The following UPF2 variants were observed in gnomAD, a reference collection of about 807,000 sequenced individuals.
The protein encoded by UPF2 is UPF2 regulator of nonsense mediated mRNA decay, also known as regulator of nonsense transcripts 2.
Under a neutral mutation model 141.4 loss-of-function variants are expected in UPF2, and 17 were observed. The observed-to-expected ratio is 0.12, with a 90% confidence interval of 0.08 to 0.18. UPF2 has a LOEUF of 0.18. Among genes scored for constraint, UPF2 ranks in the 10% least tolerant of loss-of-function variants. The pLI, the probability that UPF2 is intolerant of heterozygous loss-of-function variation, is 1.00. For synonymous variants in UPF2, 540 were observed against 498.0 expected, an observed-to-expected ratio of 1.08 and a Z score of -1.12; for missense variants, 1,152 against 1,515.9, an observed-to-expected ratio of 0.76 and a Z score of 3.99.
rs545196124 is a variant in UPF2, at chr10:11,967,608, G to A, written c.1954-154C>T. Among the ~76,000 whole-genome samples the A allele has an allele frequency of 4.1e-5, 6 of 145,090 alleles. No homozygotes were observed. The East Asian group carries it at 1.0e-3, about 25-fold the overall frequency. On this transcript the variant is annotated intron_variant, in intron 9 of 21. Transcript: ENST00000357604. ...CTTGTTACCCAGGCTGGAGTGCAAC[G>A]GTGCAATCTTGGCTCACTGCAACCT...
chr10:11,985,287 T>C lies in UPF2; in HGVS notation c.1845-6122A>G, dbSNP rs371281022. Among the ~76,000 whole-genome samples the C allele has an allele frequency of 3.3e-5, 5 of 152,256 alleles. No individual in the cohort carries two copies. In the East Asian group the frequency reaches 9.6e-4, roughly 29 times the overall value. On this transcript the variant is annotated intron_variant, in intron 8 of 21. Transcript: ENST00000357604. ...TCATCCATTACTTCACAAAATAAAA[T>C]CCTTTATGTTGTAAATAATCAATTA...
chr10:11,955,163 T>C (rs1434108337), intron 14 of UPF2, 69 bp downstream of exon 14: 2 of 1,417,856 alleles, frequency 1.4e-6, no homozygotes, highest in African/African-American at 2.9e-5. Context: ...GTTTCTTCTC[T>C]CATAGTATTC....
At position 11,999,984 on chromosome 10, in the gene UPF2, A is replaced by G. The variant is rs1418229326; in HGVS notation, c.1680T>C (p.Thr560=). The change falls in exon 7 of 22, where the codon ACT becomes ACC. Residue 560 remains threonine, a synonymous_variant. Coordinates refer to ENST00000357604, the MANE Select transcript of UPF2 (RefSeq NM_015542.4). ...EQEQEDEEAS[T]GSHLKLIVDA... ...CTACTATGAGCTTGAGATGAGATCC[A>G]GTGCTGGCTTCCTCATCTTCTTGTT... 3.1e-6 allele frequency: 5 copies of G among 1,609,240 alleles called. No individual in the cohort carries two copies. The highest frequency in any genetic ancestry group is 4.2e-6 in the Non-Finnish European group (5 of 1,178,680).
intron 3 of UPF2, 140 bp downstream of exon 3, chr10:12,028,605 T>C (rs1171833256): frequency 3.4e-5 from 28 of 833,290 alleles, no homozygotes; most frequent in Non-Finnish European, 4.6e-5. Context: ...TGTTCTACTT[T>C]GAAATTTTCC....
chr10:12,007,272 AG>A (rs1196273154), intron 4 of UPF2, among the ~76,000 whole-genome samples: 1 of 152,228 alleles, frequency 6.6e-6, no homozygotes, highest in Non-Finnish European at 1.5e-5. Flanking sequence ...TCTGGAAAAA[AG>A]TAAAGTCTGG....
chr10:11,946,933 G>A (rs954436668), intron 16 of UPF2, among the ~76,000 whole-genome samples: 10 of 152,200 alleles, frequency 6.6e-5, no homozygotes, highest in Admixed American at 1.3e-4. Flanking sequence ...GGCCAAATGC[G>A]GCTCACGCCT....
intron 8 of UPF2, among the ~76,000 whole-genome samples, chr10:11,991,836 T>A (rs557946597): frequency 1.3e-5 from 2 of 152,162 alleles, no homozygotes; most frequent in Non-Finnish European, 2.9e-5. Flanking sequence ...GAACACTTTT[T>A]GAGAAAACTA....
intron 3 of UPF2, among the ~76,000 whole-genome samples, chr10:12,024,944 A>C (rs1048908343): frequency 6.7e-6 from 1 of 150,036 alleles, no homozygotes; most frequent in African/African-American, 2.4e-5. Flanking sequence ...AAAAAAAAAA[A>C]AAAAAAAAAA....
intron 4 of UPF2, among the ~76,000 whole-genome samples, chr10:12,012,899 G>A (rs957302644): frequency 2.0e-5 from 3 of 152,002 alleles, no homozygotes; most frequent in Non-Finnish European, 4.4e-5. Flanking sequence ...AGCACTTTGG[G>A]AGGCCAAGGC....
intron 16 of UPF2, 107 bp downstream of exon 16, chr10:11,948,262 A>C: frequency 8.6e-7 from 1 of 1,158,800 alleles, no homozygotes; most frequent in Non-Finnish European, 1.2e-6. Context: ...AAAAAAAAAA[A>C]AAAAAAAACC....
chr10:12,033,223 GAA>G (rs756594191), intron 2 of UPF2, among the ~76,000 whole-genome samples: 3 of 152,112 alleles, frequency 2.0e-5, no homozygotes, highest in Admixed American at 2.0e-4. Flanking sequence ...AGAAAAAAAA[GAA>G]AGACACCGTT....
Position 11,979,279 on chromosome 10 carries a change from T to C in UPF2, c.1845-114A>G, listed in dbSNP as rs970995866. 4 of 666,872 alleles carry C rather than the reference T, an allele frequency of 6.0e-6. No individual in the cohort carries two copies. The highest frequency in any genetic ancestry group is 9.8e-6 in the Non-Finnish European group (4 of 407,110). 41.3% of individuals were successfully genotyped at this position (666,872 alleles called of 1,614,324 possible). On this transcript the variant is annotated intron_variant, in intron 8 of 21. Coordinates refer to ENST00000357604, the MANE Select transcript of UPF2 (RefSeq NM_015542.4). The surrounding 1 kb of genome is among the most constrained non-coding windows in gnomAD (Gnocchi z 6.2). Reference sequence around the variant, plus strand: ...CATTAAATGATCTTAAAACTCATAATCATACAGACATGCCTATTTATTGCC... The same window carrying C: ...CATTAAATGATCTTAAAACTCATAACCATACAGACATGCCTATTTATTGCC...
At chr10:12,036,957 G>A (rs532366655) in intron 1 of UPF2, among the ~76,000 whole-genome samples, 14 of 152,264 alleles carry the variant, frequency 9.2e-5, no homozygotes, top group Admixed American at 7.8e-4. Context: ...CCCGGGAAGC[G>A]GAGGTTGTAA....
rs1834214654 is a variant in UPF2, at chr10:12,016,098, A to T, written c.1146-1914T>A. Among the ~76,000 whole-genome samples, 1 of 152,220 alleles carries T rather than the reference A, an allele frequency of 6.6e-6. No individual in the cohort carries two copies. The highest frequency in any genetic ancestry group is 1.5e-5 in the Non-Finnish European group (1 of 68,050). ...TTTAAAAATTAAAACAAAAACCCATAGCATTTTAACATACTCATACCTATG... is the reference window on the plus strand; with the variant it reads ...TTTAAAAATTAAAACAAAAACCCATTGCATTTTAACATACTCATACCTATG... On this transcript the variant is annotated intron_variant, in intron 3 of 21. Transcript: ENST00000357604. This position sits in a 1 kb window ranked among gnomAD's most constrained non-coding sequence, Gnocchi z 4.1.
At chr10:11,958,689 A>G (rs924805452) in intron 12 of UPF2, among the ~76,000 whole-genome samples, 1 of 152,172 alleles carries the variant, frequency 6.6e-6, no homozygotes, top group African/African-American at 2.4e-5. Context: ...ATAATAGGTC[A>G]GTGATTCTTT....
At chr10:12,021,386 T>A (rs892347738) in intron 3 of UPF2, among the ~76,000 whole-genome samples, 3 of 149,480 alleles carry the variant, frequency 2.0e-5, no homozygotes, top group Admixed American at 6.7e-5. Context: ...AAAATTTTTT[T>A]AAATTAGCCA....
At chr10:12,043,022 T>C (rs988136159), upstream of UPF2, 1 of 152,230 alleles carries the variant, frequency 6.6e-6, no homozygotes, top group Non-Finnish European at 1.5e-5. Flanking sequence ...CCCTGCGGCA[T>C]GCCGATGCCC....
chr10:12,019,926 C>G lies in UPF2; in HGVS notation c.1146-5742G>C, dbSNP rs1408825910. ...TTTTAGTAGAGACGGGGTTTTGCCA[C>G]GTTGGCCAGGCTGGCCTCAGGCTCC... On this transcript the variant is annotated intron_variant, in intron 3 of 21. Transcript: ENST00000357604. The surrounding 1 kb of genome is among the most constrained non-coding windows in gnomAD (Gnocchi z 4.5). 6.6e-6 allele frequency among the ~76,000 whole-genome samples: 1 copy of G among 152,008 alleles called. No homozygotes were observed. Among genetic ancestry groups the G allele is most frequent in the Non-Finnish European group, 1.5e-5 (1 of 68,004 alleles).
intron 19 of UPF2, among the ~76,000 whole-genome samples, chr10:11,934,737 ACG>A (rs1564335839): frequency 3.3e-5 from 5 of 152,034 alleles, no homozygotes; most frequent in African/African-American, 1.2e-4. Flanking sequence ...TTACAGGCAC[ACG>A]CCACCAAGCC....
Sources: gnomAD v4.1 joint callset for allele counts (sites outside exome capture counted in the v4.1 genomes callset) on GRCh38, gnomAD v4.1.1 for gene constraint, Gnocchi (gnomAD v3.1) non-coding constraint, MANE v1.5 for transcripts, NCBI Gene and HGNC (gene_info 2026-07-23, HGNC 2026-07-21) for gene names.